SLC28A1: variants seen among roughly 807,000 people sequenced by gnomAD.
The protein encoded by SLC28A1 is solute carrier family 28 member 1, also known as sodium/nucleoside cotransporter 1.
A neutral mutation model predicts 74.8 loss-of-function variants in SLC28A1; 64 were observed. The ratio of observed to expected loss-of-function variants is 0.86; its 90% CI spans 0.70 to 1.05. SLC28A1 has a LOEUF of 1.05. Among genes scored for constraint, SLC28A1 ranks in the 50% least tolerant of loss-of-function variants. The probability of loss-of-function intolerance (pLI) is 0.00; values close to 1 mark genes in which losing one functional copy is unlikely to be tolerated. For missense variants in SLC28A1, 828 were observed against 822.8 expected, an observed-to-expected ratio of 1.01 and a Z score of -0.08; for synonymous variants, 359 against 335.0, an observed-to-expected ratio of 1.07 and a Z score of -0.78.
At chr15:84,961,024 G>A in the SLC28A1 span, among the ~76,000 whole-genome samples, 9 of 152,210 alleles carry the variant, frequency 5.9e-5, no homozygotes, top group South Asian at 2.1e-4. Context: ...GTTGAGTTCC[G>A]GCTCCACTTC....
intron 1 of SLC28A1, among the ~76,000 whole-genome samples, 182 bp downstream of exon 1, chr15:84,884,933 A>G (rs948621450): frequency 9.2e-5 from 14 of 152,140 alleles, no homozygotes; most frequent in Non-Finnish European, 1.5e-4. Context: ...TGGAGACAGT[A>G]GTGCTGCTCA....
chr15:84,946,068 A>G (rs1225879247), downstream of SLC28A1, among the ~76,000 whole-genome samples: 36 of 60,164 alleles, frequency 6.0e-4, no homozygotes, highest in African/African-American at 2.4e-3. Flanking sequence ...ACATATATAT[A>G]TATGTGTGTG....
chr15:84,940,528 A>G (rs887501751), intron 15 of SLC28A1: 3 of 152,380 alleles, frequency 2.0e-5, no homozygotes, highest in Non-Finnish European at 4.4e-5. Context: ...CATCTTCCCC[A>G]TCTTTCCTTC....
intron 14 of SLC28A1, 45 bp from the exon 15 acceptor site, chr15:84,935,275 AG>A: frequency 6.2e-7 from 1 of 1,611,738 alleles, no homozygotes; most frequent in South Asian, 1.1e-5. Context: ...GACCTAGCAG[AG>A]CCCAGGCCCA....
At chr15:84,894,257 A>T (rs1965690244) in intron 5 of SLC28A1, among the ~76,000 whole-genome samples, 1 of 151,942 alleles carries the variant, frequency 6.6e-6, no homozygotes. Context: ...CTGTAATCCC[A>T]GCTACTCGGG....
At chr15:84,885,686 G>T (rs1038880870) in intron 1 of SLC28A1, among the ~76,000 whole-genome samples, 4 of 140,458 alleles carry the variant, frequency 2.8e-5, no homozygotes, top group Non-Finnish European at 6.0e-5. Context: ...AACCGAGCTC[G>T]CACCACTGTA....
chr15:84,908,875 G>C (rs984133640), intron 9 of SLC28A1, 80 bp downstream of exon 9: 2 of 1,166,984 alleles, frequency 1.7e-6, no homozygotes, highest in Non-Finnish European at 2.6e-6. Context: ...TGGGCATGGT[G>C]GGGGCCCAGG....
chr15:84,909,868 T>A (rs1003921146), intron 9 of SLC28A1, among the ~76,000 whole-genome samples: 4 of 152,096 alleles, frequency 2.6e-5, no homozygotes, highest in African/African-American at 9.7e-5. Flanking sequence ...GTTCCAGAGG[T>A]TTCTTCTGTT....
At chr15:84,917,842 A>G (rs1451892794) in intron 9 of SLC28A1, among the ~76,000 whole-genome samples, 2 of 152,162 alleles carry the variant, frequency 1.3e-5, no homozygotes, top group African/African-American at 4.8e-5. Flanking sequence ...GGGTGCAGAA[A>G]AGCAACCTCC....
chr15:84,908,875 G>T (rs984133640), intron 9 of SLC28A1, 80 bp downstream of exon 9: 2 of 1,166,984 alleles, frequency 1.7e-6, no homozygotes, highest in Admixed American at 1.7e-5. Context: ...TGGGCATGGT[G>T]GGGGCCCAGG....
the SLC28A1 span, among the ~76,000 whole-genome samples, chr15:84,952,761 C>T: frequency 2.6e-5 from 4 of 152,022 alleles, no homozygotes; most frequent in Admixed American, 1.3e-4. Context: ...TCGTGGTGCA[C>T]GTCTGTAGTC....
In SLC28A1 at chr15:84,890,595, T is replaced by C. The variant is rs1209810456; in HGVS notation, c.277+61T>C. On this transcript the variant is annotated intron_variant, in intron 5 of 18. Coordinates refer to ENST00000394573, the MANE Select transcript of SLC28A1 (RefSeq NM_004213.5). ...GACTCCTGCCTCAGCTATCCATGTCTCAGGGCAGGGTCATTCACTCACCCA... is the reference window on the plus strand; with the variant it reads ...GACTCCTGCCTCAGCTATCCATGTCCCAGGGCAGGGTCATTCACTCACCCA... 4.5e-6 allele frequency: 6 copies of C among 1,335,612 alleles called. No individual in the cohort carries two copies. The African/African-American group carries it at 7.2e-5, about 16-fold the overall frequency. 82.7% of individuals were successfully genotyped at this position (1,335,612 alleles called of 1,614,324 possible). A position where few individuals can be genotyped will look rare whatever the true frequency, so the allele number is the denominator to read the frequency against.
At chr15:84,906,739 C>T (rs560354516) in intron 8 of SLC28A1, among the ~76,000 whole-genome samples, 7 of 151,536 alleles carry the variant, frequency 4.6e-5, no homozygotes, top group Non-Finnish European at 1.0e-4. Context: ...CCTTGAGCCA[C>T]GGTGCCCAGC....
At chr15:84,926,700 T>C in intron 12 of SLC28A1, 1 of 322,136 alleles carries the variant, frequency 3.1e-6, no homozygotes, top group Non-Finnish European at 6.1e-6. Flanking sequence ...AGCATGAGAG[T>C]GAGGTGGCCT....
chr15:84,962,065 T>A, the SLC28A1 span, among the ~76,000 whole-genome samples: 1 of 152,026 alleles, frequency 6.6e-6, no homozygotes, highest in Non-Finnish European at 1.5e-5. Flanking sequence ...TGACCTAAAT[T>A]TTTTTTTAAA....
intron 6 of SLC28A1, among the ~76,000 whole-genome samples, chr15:84,900,082 C>T (rs1047908428): frequency 2.6e-5 from 4 of 151,966 alleles, no homozygotes; most frequent in African/African-American, 7.2e-5. Flanking sequence ...TTTGGGAGGC[C>T]GAGTTGGACA....
Position 84,892,257 on chromosome 15 carries a change from A to T in SLC28A1, c.277+1723A>T, listed in dbSNP as rs140615848. On this transcript the variant is annotated intron_variant, in intron 5 of 18. Coordinates refer to ENST00000394573, the MANE Select transcript of SLC28A1 (RefSeq NM_004213.5). ...GGATGGGTACAGATGCAGAGTCATT[A>T]TAGGTGCTCTGGAGGGGAGGGGCAG... 4.9e-3 allele frequency among the ~76,000 whole-genome samples: 742 copies of T among 152,316 alleles called. 4 individuals carry two copies. The highest frequency in any genetic ancestry group is 9.5e-3 in the Admixed American group (146 of 15,300).
chr15:84,935,540 C>T, intron 15 of SLC28A1, 22 bp downstream of exon 15: 1 of 1,600,658 alleles, frequency 6.2e-7, no homozygotes, highest in Non-Finnish European at 8.5e-7. Context: ...AGTCCCTTCC[C>T]TGCAGCAGGG....
downstream of SLC28A1, among the ~76,000 whole-genome samples, chr15:84,948,743 T>C (rs1415689618): frequency 6.6e-6 from 1 of 152,170 alleles, no homozygotes; most frequent in Non-Finnish European, 1.5e-5. Context: ...CCTAGGATAG[T>C]CACTTTGTTA....
Sources: gnomAD v4.1 joint callset for allele counts (sites outside exome capture counted in the v4.1 genomes callset) on GRCh38, gnomAD v4.1.1 for gene constraint, MANE v1.5 for transcripts, NCBI Gene and HGNC (gene_info 2026-07-23, HGNC 2026-07-21) for gene names.